The following BAIAP2 variants were observed in gnomAD, a reference collection of about 807,000 sequenced individuals.
BAIAP2 encodes BAR/IMD domain-containing adapter protein 2.
BAIAP2 carries 18 observed loss-of-function variants against 63.0 expected under a neutral mutation model. That is an observed-to-expected ratio of 0.29 (90% CI 0.20 to 0.42). The LOEUF (loss-of-function observed/expected upper bound fraction) is 0.42, where lower values mean the gene tolerates loss of function less well. Ranked by LOEUF, BAIAP2 falls within the 10% of genes least tolerant of loss-of-function variation. BAIAP2 has a pLI of 1.00. For synonymous variants in BAIAP2, 386 were observed against 307.6 expected, an observed-to-expected ratio of 1.25 and a Z score of -2.67; for missense variants, 610 against 734.3, an observed-to-expected ratio of 0.83 and a Z score of 1.96.
chr17:81,065,951 G>A (rs1354408947), intron 3 of BAIAP2, among the ~76,000 whole-genome samples: 2 of 152,258 alleles, frequency 1.3e-5, no homozygotes, highest in Non-Finnish European at 2.9e-5. Context: ...TGTCATTGCA[G>A]TGAGCGGGGC....
At chr17:81,049,904 C>T (rs1202277703) in intron 1 of BAIAP2, among the ~76,000 whole-genome samples, 3 of 152,258 alleles carry the variant, frequency 2.0e-5, no homozygotes, top group African/African-American at 7.2e-5. Context: ...GACTTCCACA[C>T]GGGCCCACTG....
intron 1 of BAIAP2, among the ~76,000 whole-genome samples, chr17:81,038,259 T>C (rs2046569439): frequency 6.6e-6 from 1 of 152,194 alleles, no homozygotes; most frequent in South Asian, 2.1e-4. Flanking sequence ...TGCATCCCTG[T>C]GTGCTGAGGG....
At chr17:81,105,022 A>G (rs1024010080) in intron 10 of BAIAP2, 4 of 267,666 alleles carry the variant, frequency 1.5e-5, no homozygotes, top group Non-Finnish European at 2.9e-5. Context: ...AATGGCAGGT[A>G]TCTCCCCCAA....
chr17:81,041,792 G>A (rs367741647), intron 1 of BAIAP2, among the ~76,000 whole-genome samples: 18 of 152,174 alleles, frequency 1.2e-4, no homozygotes, highest in South Asian at 2.1e-4. Flanking sequence ...GGCTGGTCTC[G>A]AACTCCCAAC....
rs1491167733 is a variant in BAIAP2, at chr17:81,038,901, G to GCAA, written c.54+3593_54+3594insCAA. On this transcript the variant is annotated intron_variant, in intron 1 of 13. Transcript: ENST00000428708. Reference sequence around the variant, plus strand: ...TGGCATTGGAGTCGCCTTCCTGGGTGGGGGGGGCAGCAGACCCGGCACCTG... The same window carrying GCAA: ...TGGCATTGGAGTCGCCTTCCTGGGTGCAAGGGGGGGCAGCAGACCCGGCACCTG... Among the ~76,000 whole-genome samples, 14 of 146,290 alleles carry GCAA rather than the reference G, an allele frequency of 9.6e-5. No homozygotes were observed. The South Asian group carries it at 2.1e-3, about 22-fold the overall frequency.
chr17:81,035,682 G>C (rs1308348334), intron 1 of BAIAP2, among the ~76,000 whole-genome samples: 2 of 151,694 alleles, frequency 1.3e-5, no homozygotes, highest in African/African-American at 4.8e-5. Context: ...GGACCGGTCG[G>C]GGTCGTAGCA....
At chr17:81,077,923 C>T (rs942398855) in intron 3 of BAIAP2, among the ~76,000 whole-genome samples, 2 of 146,540 alleles carry the variant, frequency 1.4e-5, no homozygotes, top group African/African-American at 5.1e-5. Flanking sequence ...GGTGCCATCT[C>T]GGAGCTGGAT....
intron 6 of BAIAP2, chr17:81,098,033 T>C: frequency 9.2e-7 from 1 of 1,088,046 alleles, no homozygotes; most frequent in Non-Finnish European, 1.2e-6. Flanking sequence ...CATAGGGCTG[T>C]GGTGTCACGC....
chr17:81,098,405 A>G (rs559797624), intron 6 of BAIAP2, among the ~76,000 whole-genome samples: 2 of 146,976 alleles, frequency 1.4e-5, no homozygotes, highest in Admixed American at 6.7e-5. Flanking sequence ...CTTTGCTTGC[A>G]CTACTTCTTT....
intron 1 of BAIAP2, among the ~76,000 whole-genome samples, chr17:81,045,702 G>A (rs1447604553): frequency 1.3e-5 from 2 of 152,148 alleles, no homozygotes; most frequent in African/African-American, 4.8e-5. Context: ...AGGCTGCCCA[G>A]GGCCCTGCAG....
chr17:81,091,793 G>A (rs115869530), intron 6 of BAIAP2, among the ~76,000 whole-genome samples: 3 of 152,232 alleles, frequency 2.0e-5, no homozygotes, highest in Admixed American at 1.3e-4. Context: ...GCCTCCCTGC[G>A]GTTCCCAAGC....
At chr17:81,077,555 C>G (rs2053857516) in intron 3 of BAIAP2, among the ~76,000 whole-genome samples, 2 of 79,312 alleles carry the variant, frequency 2.5e-5, no homozygotes, top group African/African-American at 1.1e-4. Context: ...GTGACAGAGA[C>G]TCTGTCTCAA....
At chr17:81,070,677 C>T (rs960959741) in intron 3 of BAIAP2, among the ~76,000 whole-genome samples, 32 of 152,166 alleles carry the variant, frequency 2.1e-4, no homozygotes, top group African/African-American at 7.5e-4. Context: ...GCTCAGCCCC[C>T]GCAGAGCCTC....
rs555446849 is a variant in BAIAP2, at chr17:81,094,599, T to C, written c.490-5329T>C. Among the ~76,000 whole-genome samples, 41 of 152,308 alleles carry C rather than the reference T, an allele frequency of 2.7e-4. No individual in the cohort carries two copies. The Middle Eastern group carries it at 0.01, about 38-fold the overall frequency. On this transcript the variant is annotated intron_variant, in intron 6 of 13. Transcript: ENST00000428708. ...CAGCCCGGGTCTTGCTCAGAGCACG[T>C]GTGTTCAGCGTGAGATTTAAGGGTC...
chr17:81,039,263 G>T (rs1461589818), intron 1 of BAIAP2, among the ~76,000 whole-genome samples: 3 of 152,256 alleles, frequency 2.0e-5, no homozygotes, highest in Non-Finnish European at 4.4e-5. Flanking sequence ...CCTCTGGGCT[G>T]CCCAGCCTGT....
At chr17:81,091,406 C>T (rs1357401756) in intron 6 of BAIAP2, among the ~76,000 whole-genome samples, 1 of 152,114 alleles carries the variant, frequency 6.6e-6, no homozygotes, top group Non-Finnish European at 1.5e-5. Context: ...TACAGACCAG[C>T]CCAGCAGCTG....
chr17:81,098,346 G>A (rs1426382356), intron 6 of BAIAP2, among the ~76,000 whole-genome samples: 2 of 152,058 alleles, frequency 1.3e-5, no homozygotes, highest in East Asian at 1.9e-4. Flanking sequence ...GTTTCCTCCC[G>A]AGGCTCACGT....
intron 3 of BAIAP2, among the ~76,000 whole-genome samples, chr17:81,073,794 C>T (rs773090386): frequency 5.3e-5 from 8 of 152,188 alleles, no homozygotes; most frequent in East Asian, 1.9e-4. Context: ...TTGTGAAAGC[C>T]GAAGTGTGAG....
intron 3 of BAIAP2, among the ~76,000 whole-genome samples, chr17:81,071,099 A>ATTTT (rs56122709): frequency 0.077 from 11,473 of 149,162 alleles, 590 homozygotes; most frequent in Middle Eastern, 0.13. Context: ...ACAGACATTG[A>ATTTT]TTTTTTTTTT....
Sources: gnomAD v4.1 joint callset for allele counts (sites outside exome capture counted in the v4.1 genomes callset) on GRCh38, gnomAD v4.1.1 for gene constraint, MANE v1.5 for transcripts, NCBI Gene and HGNC (gene_info 2026-07-23, HGNC 2026-07-21) for gene names.